Variants in BIRC6 observed in about 807,000 individuals in gnomAD.
BIRC6 encodes dual E2 ubiquitin-conjugating enzyme/E3 ubiquitin-protein ligase BIRC6.
A neutral mutation model predicts 503.3 loss-of-function variants in BIRC6; 98 were observed. The observed-to-expected ratio is 0.19, with a 90% CI of 0.17 to 0.23. The LOEUF (loss-of-function observed/expected upper bound fraction) is 0.23, where lower values mean the gene tolerates loss of function less well. Ranked by LOEUF, BIRC6 falls within the 10% of genes least tolerant of loss-of-function variation. The probability of loss-of-function intolerance (pLI) is 1.00; values close to 1 mark genes in which losing one functional copy is unlikely to be tolerated. For synonymous variants in BIRC6, 2,240 were observed against 2,078.7 expected (o/e 1.08, Z -2.11); for missense variants, 5,360 against 5,806.0 (o/e 0.92, Z 2.50).
chr2:32,523,720 A>G (rs1020182143), intron 57 of BIRC6, among the ~76,000 whole-genome samples: 2 of 152,252 alleles, frequency 1.3e-5, no homozygotes, highest in African/African-American at 2.4e-5. Flanking sequence ...CCTTTTTAAC[A>G]TAAAAGACCG....
chr2:32,578,375 T>G (rs944715620), intron 66 of BIRC6, among the ~76,000 whole-genome samples: 1 of 152,174 alleles, frequency 6.6e-6, no homozygotes, highest in Non-Finnish European at 1.5e-5. Context: ...CATTCCCAAC[T>G]GTATTTCACA....
At chr2:32,589,436 A>C (rs542691298) in intron 66 of BIRC6, among the ~76,000 whole-genome samples, 32 of 152,018 alleles carry the variant, frequency 2.1e-4, no homozygotes, top group Non-Finnish European at 4.4e-4. Flanking sequence ...TTTCTACCAG[A>C]CTCTTTTATT....
At position 32,501,713 on chromosome 2, in the gene BIRC6, G is replaced by C; in HGVS notation, c.9032G>C (p.Gly3011Ala). 1.2e-6 allele frequency: 2 copies of C among 1,605,482 alleles called. No homozygotes were observed. The highest frequency in any genetic ancestry group is 8.5e-7 in the Non-Finnish European group (1 of 1,177,304). The change falls in exon 47 of 74, where the codon GGA becomes GCA. Residue 3011 changes from glycine (G) to alanine (A), a missense_variant and splice_region_variant. By Grantham distance (60) the Gly-to-Ala change is moderately conservative. Around this residue, in one of 16 missense-constraint regions of BIRC6, gnomAD observed 267 missense variants for 287.6 expected, o/e 0.93. Transcript: ENST00000421745. ...CNSSAMAMII[G>A]ASGLHLTKHE... ...ATGTGGTATCTTTTATTTTTCTTAG[G>C]AGCAAGTGGATTACATCTCACTAAA...
At chr2:32,492,531 C>G (rs1396108953) in intron 44 of BIRC6, among the ~76,000 whole-genome samples, 1 of 151,990 alleles carries the variant, frequency 6.6e-6, no homozygotes, top group Non-Finnish European at 1.5e-5. Flanking sequence ...GAAGACTCCT[C>G]GGGATCACCA....
intron 23 of BIRC6, among the ~76,000 whole-genome samples, chr2:32,462,387 C>G (rs1194256364): frequency 6.6e-6 from 1 of 152,064 alleles, no homozygotes; most frequent in African/African-American, 2.4e-5. Context: ...GTTTGAATAA[C>G]AATGAAATGG....
intron 45 of BIRC6, among the ~76,000 whole-genome samples, chr2:32,496,920 A>G (rs1421998089): frequency 6.6e-6 from 1 of 152,196 alleles, no homozygotes; most frequent in Non-Finnish European, 1.5e-5. Context: ...TGTTGAGTAC[A>G]TATGGTAAAA....
chr2:32,456,103 T>G (rs2047233913), intron 23 of BIRC6, among the ~76,000 whole-genome samples: 1 of 152,126 alleles, frequency 6.6e-6, no homozygotes, highest in Non-Finnish European at 1.5e-5. Flanking sequence ...CCCCAAAAGG[T>G]GTCTTCGTGA....
At chr2:32,505,896 G>A (rs1572682525) in intron 50 of BIRC6, among the ~76,000 whole-genome samples, 1 of 151,856 alleles carries the variant, frequency 6.6e-6, no homozygotes, top group South Asian at 2.1e-4. Flanking sequence ...CTGTTGCCCA[G>A]GCTGGAGTGC....
At chr2:32,401,691 G>A (rs2040610384) in intron 8 of BIRC6, 68 bp downstream of exon 8, 1 of 1,374,778 alleles carries the variant, frequency 7.3e-7, no homozygotes. Flanking sequence ...TATTCTCATA[G>A]TTCTAATAAT....
intron 73 of BIRC6, 79 bp from the exon 74 acceptor site, chr2:32,617,646 T>C: frequency 7.0e-7 from 1 of 1,424,746 alleles, no homozygotes; most frequent in Non-Finnish European, 9.5e-7. Context: ...TTGGGCTTTG[T>C]TGAAATTCAG....
In BIRC6 at chr2:32,449,056, A is replaced by G. The variant is rs187766886; in HGVS notation, c.4618+128A>G. ...ACTAAAATTCCTTAGAACTTATCAT[A>G]TGAATTATTAAAATGTTTCCTAGAA... On this transcript the variant is annotated intron_variant, in intron 22 of 73. Coordinates refer to ENST00000421745, the MANE Select transcript of BIRC6 (RefSeq NM_016252.4). The G allele has an allele frequency of 7.5e-6, 6 of 796,726 alleles. No homozygotes were observed. The East Asian group carries it at 1.7e-4, about 23-fold the overall frequency. The allele number at this position is 796,726 out of a possible 1,614,324, so 49.4% of individuals were successfully genotyped here. A position where few individuals can be genotyped will look rare whatever the true frequency, so the allele number is the denominator to read the frequency against.
At chr2:32,511,459 A>T (rs2054427756) in intron 53 of BIRC6, among the ~76,000 whole-genome samples, 1 of 136,806 alleles carries the variant, frequency 7.3e-6, no homozygotes. Context: ...ACAGGCGACC[A>T]CCACTATAAC....
intron 46 of BIRC6, 30 bp from the exon 47 acceptor site, chr2:32,501,683 T>C (rs1409808685): frequency 6.3e-7 from 1 of 1,589,764 alleles, no homozygotes; most frequent in East Asian, 2.2e-5. Context: ...ATATATATAC[T>C]TTTAATGTGG....
intron 65 of BIRC6, chr2:32,574,526 T>C (rs2060133622): frequency 6.4e-6 from 1 of 155,716 alleles, no homozygotes; most frequent in African/African-American, 2.4e-5. Flanking sequence ...ATGTATTATA[T>C]ACTGTAAGGT....
intron 1 of BIRC6, among the ~76,000 whole-genome samples, chr2:32,373,544 A>G (rs2036281584): frequency 6.6e-6 from 1 of 152,198 alleles, no homozygotes; most frequent in Non-Finnish European, 1.5e-5. Context: ...CAAAAAGTAT[A>G]AAGTTGGACT....
intron 73 of BIRC6, among the ~76,000 whole-genome samples, chr2:32,614,011 G>A (rs1367659602): frequency 6.6e-6 from 1 of 152,100 alleles, no homozygotes; most frequent in Non-Finnish European, 1.5e-5. Flanking sequence ...TTGTATTACT[G>A]ACATTTTTTA....
chr2:32,376,665 G>A (rs1039144265), intron 1 of BIRC6, among the ~76,000 whole-genome samples: 2 of 151,982 alleles, frequency 1.3e-5, no homozygotes, highest in Admixed American at 6.6e-5. Flanking sequence ...GTATGAATTG[G>A]AAAAAAATTT....
chr2:32,362,520 A>T (rs1346056263), intron 1 of BIRC6, among the ~76,000 whole-genome samples: 1 of 151,668 alleles, frequency 6.6e-6, no homozygotes, highest in Non-Finnish European at 1.5e-5. Context: ...GGGTTTTACC[A>T]TGTTAGCCAG....
At chr2:32,402,840 G>T (rs1001501125) in intron 8 of BIRC6, among the ~76,000 whole-genome samples, 1 of 152,128 alleles carries the variant, frequency 6.6e-6, no homozygotes, top group Non-Finnish European at 1.5e-5. Flanking sequence ...TTGTCTTGAA[G>T]TTTTGTAATT....
Sources: gnomAD v4.1 joint callset for allele counts (sites outside exome capture counted in the v4.1 genomes callset) on GRCh38, gnomAD v4.1.1 for gene constraint, gnomAD v4.1.1 regional missense constraint, MANE v1.5 for transcripts, NCBI Gene and HGNC (gene_info 2026-07-23, HGNC 2026-07-21) for gene names.